The following DCAF17 variants were observed in gnomAD, a reference collection of about 807,000 sequenced individuals.
DCAF17 encodes DDB1- and CUL4-associated factor 17.
DCAF17 carries 48 observed loss-of-function variants against 66.0 expected under a neutral mutation model. The observed-to-expected ratio is 0.73, with a 90% CI of 0.58 to 0.92. The LOEUF is 0.92. Among genes scored for constraint, DCAF17 ranks in the 40% least tolerant of loss-of-function variants. The pLI, the probability that DCAF17 is intolerant of heterozygous loss-of-function variation, is 0.00. For synonymous variants in DCAF17, 206 were observed against 214.6 expected (o/e 0.96, Z 0.35); for missense variants, 562 against 622.8 (o/e 0.90, Z 1.04).
At chr2:171,448,572 GTTTA>G (rs1468984992) in intron 3 of DCAF17, 105 bp from the exon 4 acceptor site, 9 of 993,496 alleles carry the variant, frequency 9.1e-6, no homozygotes, top group African/African-American at 8.2e-5. Flanking sequence ...TTCTTTTGTG[GTTTA>G]TTTATTTGGC....
At chr2:171,467,956 A>C (rs1696021228) in intron 8 of DCAF17, among the ~76,000 whole-genome samples, 1 of 152,082 alleles carries the variant, frequency 6.6e-6, no homozygotes, top group Non-Finnish European at 1.5e-5. Flanking sequence ...CCCCTTTACT[A>C]ATAGTAGTGG....
Position 171,483,586 on chromosome 2 carries a change from T to C in DCAF17, c.*2472T>C, listed in dbSNP as rs1027435305. 2.2e-6 allele frequency: 1 copy of C among 454,172 alleles called. No individual in the cohort carries two copies. Among genetic ancestry groups the C allele is most frequent in the Non-Finnish European group, 4.4e-6 (1 of 226,806 alleles). 28.1% of individuals were successfully genotyped at this position (454,172 alleles called of 1,614,324 possible). ...GCTACCTAGTGAGGAGATACCGCTC[T>C]GTTTAGACAAATTAAGGCACTTCAC... On this transcript the variant is annotated 3_prime_UTR_variant, in exon 14 of 14. Coordinates refer to ENST00000375255, the MANE Select transcript of DCAF17 (RefSeq NM_025000.4).
At chr2:171,457,795 T>G (rs1235574524) in intron 6 of DCAF17, among the ~76,000 whole-genome samples, 176 bp from the exon 7 acceptor site, 3 of 152,200 alleles carry the variant, frequency 2.0e-5, no homozygotes, top group Non-Finnish European at 4.4e-5. Context: ...TGGCTTACTG[T>G]TCACTCCTAA....
Position 171,434,421 on chromosome 2 carries a change from C to A in DCAF17, c.-157C>A. On this transcript the variant is annotated 5_prime_UTR_variant, in exon 1 of 14. Transcript: ENST00000375255. ...GCTCTGCTTTCCCTCGCCCCGCCGT[C>A]GGGTGCTCCCTGCCCGCCTCCCCGT... 7.7e-7 allele frequency: 1 copy of A among 1,300,982 alleles called. No homozygotes were observed. The highest frequency in any genetic ancestry group is 1.1e-6 in the Non-Finnish European group (1 of 938,158). 80.6% of individuals were successfully genotyped at this position (1,300,982 alleles called of 1,614,324 possible). A position where few individuals can be genotyped will look rare whatever the true frequency, so the allele number is the denominator to read the frequency against.
intron 8 of DCAF17, among the ~76,000 whole-genome samples, chr2:171,466,141 G>C (rs1695884732): frequency 6.6e-6 from 1 of 152,152 alleles, no homozygotes; most frequent in Non-Finnish European, 1.5e-5. Context: ...TGGGATTACA[G>C]GCGTGAGCCA....
chr2:171,447,261 T>C (rs1173760560), intron 3 of DCAF17: 2 of 176,988 alleles, frequency 1.1e-5, no homozygotes, highest in African/African-American at 4.8e-5. Context: ...GCAAGACAAA[T>C]TTTTAGGGAG....
In DCAF17 at chr2:171,458,051, T is replaced by C. The variant is rs1695361840; in HGVS notation, c.708T>C (p.Tyr236=). ...VMYSSGLVRL[Y]SFQTIAEQFM... is the part of the protein sequence containing the mutation. ...ACAGCTCAGGACTGGTCAGACTCTA[T>C]AGCTTCCAAACCATCGCTGAACAGG... Residue 236 remains tyrosine, a synonymous_variant, in exon 7 of 14, where the codon TAT becomes TAC. Transcript: ENST00000375255. The C allele has an allele frequency of 1.2e-6, 2 of 1,613,932 alleles. No individual in the cohort carries two copies. The highest frequency in any genetic ancestry group is 1.3e-5 in the African/African-American group (1 of 74,912).
chr2:171,434,572 G>T lies in DCAF17; in HGVS notation c.-6G>T, dbSNP rs1340770388. The T allele has an allele frequency of 1.3e-6, 2 of 1,525,798 alleles. No individual in the cohort carries two copies. The highest frequency in any genetic ancestry group is 1.8e-6 in the Non-Finnish European group (2 of 1,142,338). The allele number at this position is 1,525,798 out of a possible 1,614,324, so 94.5% of individuals were successfully genotyped here. A position where few individuals can be genotyped will look rare whatever the true frequency, so the allele number is the denominator to read the frequency against. On this transcript the variant is annotated 5_prime_UTR_variant, in exon 1 of 14. Coordinates refer to ENST00000375255, the MANE Select transcript of DCAF17 (RefSeq NM_025000.4). Reference sequence around the variant, plus strand: ...CCAGCCTACCCAGGGCCCGGCCCGCGCCTCCATGGGCCCGACCCGGAAGCC... The same window carrying T: ...CCAGCCTACCCAGGGCCCGGCCCGCTCCTCCATGGGCCCGACCCGGAAGCC...
In DCAF17 at chr2:171,443,292, T is replaced by C. The variant is rs76137360; in HGVS notation, c.231-231T>C. The C allele has an allele frequency of 1.8e-3, 712 of 397,164 alleles. 8 individuals carry two copies. Among genetic ancestry groups the C allele is most frequent in the East Asian group, 0.017 (363 of 21,004 alleles). The allele number at this position is 397,164 out of a possible 1,614,324, so 24.6% of individuals were successfully genotyped here. ...TAAACCAGAAGGAAATGAACCAAAA[T>C]GTTAATAAGGGTTATTTTTGGCAGT... On this transcript the variant is annotated intron_variant, in intron 2 of 13. Transcript: ENST00000375255.
intron 6 of DCAF17, among the ~76,000 whole-genome samples, chr2:171,455,592 G>A (rs1009881387): frequency 2.0e-4 from 31 of 152,314 alleles, no homozygotes; most frequent in African/African-American, 7.0e-4. Context: ...CCACCACACT[G>A]TCTTCCATAA....
intron 4 of DCAF17, 41 bp from the exon 5 acceptor site, chr2:171,449,838 A>T: frequency 6.6e-7 from 1 of 1,517,324 alleles, no homozygotes; most frequent in South Asian, 1.2e-5. Flanking sequence ...GTATAAGGAA[A>T]CTGACCCAAA....
At chr2:171,464,611 T>C (rs1695787311) in intron 8 of DCAF17, among the ~76,000 whole-genome samples, 1 of 152,212 alleles carries the variant, frequency 6.6e-6, no homozygotes, top group African/African-American at 2.4e-5. Context: ...GTTAGGACTT[T>C]AACATATCTT....
chr2:171,438,123 A>G (rs1282353950), intron 2 of DCAF17, among the ~76,000 whole-genome samples: 1 of 152,182 alleles, frequency 6.6e-6, no homozygotes, highest in Non-Finnish European at 1.5e-5. Context: ...CCCATGTGTT[A>G]TTTAGATGTG....
Position 171,483,923 on chromosome 2 carries a change from G to A in DCAF17, c.*2809G>A. ...TTCCTCCAAAGTTCTCAAAAGGCAA[G>A]GCATGTTATTTTATCCCAATTTAGC... On this transcript the variant is annotated 3_prime_UTR_variant, in exon 14 of 14. Transcript: ENST00000375255. 2.2e-6 allele frequency: 1 copy of A among 454,016 alleles called. No individual in the cohort carries two copies. Among genetic ancestry groups the A allele is most frequent in the Non-Finnish European group, 4.4e-6 (1 of 226,792 alleles). 28.1% of individuals were successfully genotyped at this position (454,016 alleles called of 1,614,324 possible).
intron 2 of DCAF17, among the ~76,000 whole-genome samples, chr2:171,442,974 G>C (rs898246083): frequency 6.6e-5 from 10 of 151,720 alleles, no homozygotes; most frequent in Non-Finnish European, 1.3e-4. Context: ...CAAAGATATA[G>C]CATTCAATAT....
intron 6 of DCAF17, among the ~76,000 whole-genome samples, chr2:171,454,875 T>C (rs1042939434): frequency 6.7e-6 from 1 of 149,996 alleles, no homozygotes; most frequent in East Asian, 2.0e-4. Context: ...AGAGCAAAAC[T>C]CCATCTCAAA....
At chr2:171,464,450 G>A (rs1447408075) in intron 8 of DCAF17, among the ~76,000 whole-genome samples, 1 of 152,064 alleles carries the variant, frequency 6.6e-6, no homozygotes, top group African/African-American at 2.4e-5. Context: ...CTTTTCCATG[G>A]CCTTTCTCCC....
intron 2 of DCAF17, among the ~76,000 whole-genome samples, chr2:171,435,639 C>CCTCATCCA (rs1158871017): frequency 6.6e-6 from 1 of 151,434 alleles, no homozygotes; most frequent in African/African-American, 2.4e-5. Context: ...CCACAACTGT[C>CCTCATCCA]CAACATGAGG....
At chr2:171,471,479 G>T (rs1281327151) in intron 9 of DCAF17, among the ~76,000 whole-genome samples, 2 of 152,144 alleles carry the variant, frequency 1.3e-5, no homozygotes, top group Non-Finnish European at 2.9e-5. Flanking sequence ...CTCCTAAAAA[G>T]ATATGTATAG....
Sources: allele counts gnomAD v4.1 joint callset (sites outside exome capture counted in the v4.1 genomes callset), GRCh38; gene constraint gnomAD v4.1.1; transcripts MANE v1.5; gene names NCBI Gene and HGNC (gene_info 2026-07-23, HGNC 2026-07-21).